GRIA1: variants seen among roughly 807,000 people sequenced by gnomAD.
GRIA1 encodes the protein glutamate ionotropic receptor AMPA type subunit 1.
In GRIA1, 31 loss-of-function variants were observed where a neutral mutation model predicts 99.2. The observed-to-expected ratio is 0.31, with a 90% CI of 0.23 to 0.42. The LOEUF (loss-of-function observed/expected upper bound fraction) is 0.42. Ranked by LOEUF, GRIA1 falls within the 10% of genes least tolerant of loss-of-function variation. The pLI is 1.00. For missense variants in GRIA1, 782 were observed against 1,157.5 expected, an observed-to-expected ratio of 0.68 and a Z score of 4.71; for synonymous variants, 438 against 432.4, an observed-to-expected ratio of 1.01 and a Z score of -0.16.
chr5:153,755,903 G>A (rs1032657081), intron 11 of GRIA1, among the ~76,000 whole-genome samples: 2 of 152,202 alleles, frequency 1.3e-5, no homozygotes, highest in African/African-American at 4.8e-5. Flanking sequence ...CATGCTCTTA[G>A]GTTCAAACCT....
rs534446832 is a variant in GRIA1 at position 153,741,783 on chromosome 5, C to G, written c.1824-22651C>G. Among the ~76,000 whole-genome samples the G allele has an allele frequency of 4.6e-5, 7 of 152,202 alleles. No homozygotes were observed. The South Asian group carries it at 1.5e-3, about 32-fold the overall frequency. On this transcript the variant is annotated intron_variant, in intron 11 of 15. Transcript: ENST00000285900. ...AAATGAGGAGTTACTAATCAGCAGG[C>G]ATAAAATTTCAGTTAAGCAAGATGA...
At chr5:153,678,699 C>G (rs1756762537) in intron 7 of GRIA1, among the ~76,000 whole-genome samples, 1 of 152,242 alleles carries the variant, frequency 6.6e-6, no homozygotes, top group Non-Finnish European at 1.5e-5. Flanking sequence ...CCTTCCAACT[C>G]CCTTGCCTCT....
At chr5:153,743,179 T>G (rs560983041) in intron 11 of GRIA1, among the ~76,000 whole-genome samples, 1 of 152,342 alleles carries the variant, frequency 6.6e-6, no homozygotes, top group East Asian at 1.9e-4. Context: ...AGGAATTTAT[T>G]GCAGACATCG....
chr5:153,510,662 T>A (rs1755977567), intron 2 of GRIA1, among the ~76,000 whole-genome samples: 1 of 152,158 alleles, frequency 6.6e-6, no homozygotes. Flanking sequence ...GAATAAGTAT[T>A]TGAGAGACAA....
chr5:153,780,306 T>C (rs1428617501), intron 13 of GRIA1, among the ~76,000 whole-genome samples: 1 of 152,200 alleles, frequency 6.6e-6, no homozygotes, highest in Non-Finnish European at 1.5e-5. Flanking sequence ...GTTTTGGTGT[T>C]CCTGAGACCT....
chr5:153,552,069 T>C (rs1760198056), intron 2 of GRIA1, among the ~76,000 whole-genome samples: 1 of 152,092 alleles, frequency 6.6e-6, no homozygotes, highest in South Asian at 2.1e-4. Flanking sequence ...GGTAGATCTG[T>C]AGGCCTGTTT....
chr5:153,705,924 C>T lies in GRIA1; in HGVS notation c.1680C>T (p.Phe560=), dbSNP rs925884329. Residue 560 remains phenylalanine (F), a synonymous_variant, in exon 11 of 16, where the codon TTC becomes TTT. Coordinates refer to ENST00000285900, the MANE Select transcript of GRIA1 (RefSeq NM_000827.4). ...VSVVLFLVSR[F]SPYEWHSEEF... is the part of the protein sequence containing the mutation. Reference sequence around the variant, plus strand: ...TTGTCCTCTTCCTGGTCAGCCGCTTCAGTCCCTATGAATGGCACAGTGAAG... The same window carrying T: ...TTGTCCTCTTCCTGGTCAGCCGCTTTAGTCCCTATGAATGGCACAGTGAAG... 8.7e-6 allele frequency: 14 copies of T among 1,613,842 alleles called. No individual in the cohort carries two copies. The East Asian group carries it at 2.7e-4, about 31-fold the overall frequency.
intron 11 of GRIA1, among the ~76,000 whole-genome samples, chr5:153,729,904 G>T (rs1011511462): frequency 2.0e-5 from 3 of 152,130 alleles, no homozygotes; most frequent in Admixed American, 1.3e-4. Flanking sequence ...AACTAGGTGA[G>T]TGGTGGATTC....
chr5:153,717,667 A>G (rs1759764120), intron 11 of GRIA1, among the ~76,000 whole-genome samples: 2 of 152,302 alleles, frequency 1.3e-5, no homozygotes, highest in Admixed American at 6.5e-5. Flanking sequence ...ATGTTGGACC[A>G]CTTCTTCAGC....
rs557402454 is a variant in GRIA1, at chr5:153,793,977, A to T, written c.2271-644A>T. Reference sequence around the variant, plus strand: ...TGACTCAACCATGGCCTTCTGATGAATCTGTTTTCCTCTGTCCTGAAATGT... The same window carrying T: ...TGACTCAACCATGGCCTTCTGATGATTCTGTTTTCCTCTGTCCTGAAATGT... On this transcript the variant is annotated intron_variant, in intron 13 of 15. Transcript: ENST00000285900. 2.6e-5 allele frequency among the ~76,000 whole-genome samples: 4 copies of T among 152,306 alleles called. No homozygotes were observed. The South Asian group carries it at 6.2e-4, about 24-fold the overall frequency.
chr5:153,741,564 T>A (rs547750931), intron 11 of GRIA1, among the ~76,000 whole-genome samples: 1 of 152,292 alleles, frequency 6.6e-6, no homozygotes, highest in Non-Finnish European at 1.5e-5. Context: ...CAGTGGAATA[T>A]TTTTCAGGCT....
At chr5:153,699,766 T>C (rs1008524982) in intron 10 of GRIA1, among the ~76,000 whole-genome samples, 2 of 152,194 alleles carry the variant, frequency 1.3e-5, no homozygotes, top group Admixed American at 1.3e-4. Context: ...TTTATAGTGC[T>C]CACCACACTT....
In GRIA1 at chr5:153,811,854, C is replaced by T. The variant is rs989214965; in HGVS notation, c.*629C>T. ...TTGTTGGAGAAGTGGGCTGCCTTCC[C>T]CAAGTGGGGCACTGCTTAAGCACTT... On this transcript the variant is annotated 3_prime_UTR_variant, in exon 16 of 16. Coordinates refer to ENST00000285900, the MANE Select transcript of GRIA1 (RefSeq NM_000827.4). 2 of 153,328 alleles carry T rather than the reference C, an allele frequency of 1.3e-5. No individual in the cohort carries two copies. Among genetic ancestry groups the T allele is most frequent in the Non-Finnish European group, 2.9e-5 (2 of 69,006 alleles). 9.5% of individuals were successfully genotyped at this position (153,328 alleles called of 1,614,324 possible). A position where few individuals can be genotyped will look rare whatever the true frequency, so the allele number is the denominator to read the frequency against.
intron 11 of GRIA1, among the ~76,000 whole-genome samples, chr5:153,708,417 G>A (rs893662079): frequency 6.6e-6 from 1 of 152,106 alleles, no homozygotes; most frequent in Non-Finnish European, 1.5e-5. Flanking sequence ...GGTATCATAG[G>A]AGTTGACATT....
At chr5:153,803,498 A>T (rs1766193813) in intron 15 of GRIA1, among the ~76,000 whole-genome samples, 1 of 152,194 alleles carries the variant, frequency 6.6e-6, no homozygotes. Context: ...CAAAATAATT[A>T]CTCAGTGAGG....
chr5:153,741,144 T>C (rs1055912440), intron 11 of GRIA1, among the ~76,000 whole-genome samples: 1 of 151,850 alleles, frequency 6.6e-6, no homozygotes, highest in Non-Finnish European at 1.5e-5. Flanking sequence ...TCCTGGCTAA[T>C]TTTTTGTATT....
At chr5:153,599,379 T>A (rs1335759460) in intron 2 of GRIA1, among the ~76,000 whole-genome samples, 1 of 152,242 alleles carries the variant, frequency 6.6e-6, no homozygotes, top group African/African-American at 2.4e-5. Flanking sequence ...ACAATCTTGC[T>A]GATGGCACTT....
At chr5:153,722,940 A>T (rs1760186425) in intron 11 of GRIA1, among the ~76,000 whole-genome samples, 1 of 152,206 alleles carries the variant, frequency 6.6e-6, no homozygotes, top group Non-Finnish European at 1.5e-5. Context: ...GAACAGTTTC[A>T]CACCTAAAAG....
At chr5:153,712,776 G>C (rs998870269) in intron 11 of GRIA1, among the ~76,000 whole-genome samples, 6 of 152,210 alleles carry the variant, frequency 3.9e-5, no homozygotes, top group African/African-American at 1.4e-4. Context: ...GGAAATGTGC[G>C]ATAGCTAATC....
Sources: gnomAD v4.1 joint callset for allele counts (sites outside exome capture counted in the v4.1 genomes callset) on GRCh38, gnomAD v4.1.1 for gene constraint, MANE v1.5 for transcripts, NCBI Gene and HGNC (gene_info 2026-07-23, HGNC 2026-07-21) for gene names.